Variants in EFHC2 observed in about 807,000 individuals in gnomAD.
The protein encoded by EFHC2 is EF-hand domain-containing family member C2.
EFHC2 carries 18 observed loss-of-function variants against 52.7 expected under a neutral mutation model. The ratio of observed to expected loss-of-function variants is 0.34; its 90% CI spans 0.24 to 0.51. The LOEUF (loss-of-function observed/expected upper bound fraction) is 0.51. Ranked by LOEUF, EFHC2 falls within the 20% of genes least tolerant of loss-of-function variation. EFHC2 has a pLI of 0.97. For synonymous variants in EFHC2, 203 were observed against 204.1 expected (o/e 0.99, Z 0.04); for missense variants, 513 against 562.5 (o/e 0.91, Z 0.89).
chrX:44,278,252 GT>G (rs2037675665), intron 2 of EFHC2, among the ~76,000 whole-genome samples: 1 of 111,823 alleles, frequency 8.9e-6, no homozygotes. Flanking sequence ...GTGGACACCT[GT>G]AATCCCAGCT....
intron 1 of EFHC2, 135 bp from the exon 2 acceptor site, chrX:44,312,891 A>T (rs2037957413): frequency 1.8e-6 from 1 of 547,811 alleles, no homozygotes; most frequent in Admixed American, 4.7e-5. Context: ...GCAAATAATT[A>T]TGATCAATCT....
chrX:44,258,519 T>C (rs1000544762), intron 4 of EFHC2, among the ~76,000 whole-genome samples: 13 of 109,170 alleles, frequency 1.2e-4, no homozygotes, highest in African/African-American at 4.3e-4. Context: ...AAGAAACATA[T>C]GAAAAAAAGT....
chrX:44,331,174 C>T (rs1237540611), intron 1 of EFHC2, among the ~76,000 whole-genome samples: 2 of 112,045 alleles, frequency 1.8e-5, no homozygotes, highest in African/African-American at 3.2e-5. Flanking sequence ...GTGATACATA[C>T]ATGAACTACT....
intron 14 of EFHC2, among the ~76,000 whole-genome samples, chrX:44,151,982 T>C (rs2036573876): frequency 9.0e-6 from 1 of 111,686 alleles, no homozygotes; most frequent in Non-Finnish European, 1.9e-5. Flanking sequence ...ATATATGAAA[T>C]ATAACATTGT....
At chrX:44,248,567 T>C (rs2037417947) in intron 6 of EFHC2, among the ~76,000 whole-genome samples, 157 bp from the exon 7 acceptor site, 1 of 112,631 alleles carries the variant, frequency 8.9e-6, no homozygotes, top group Non-Finnish European at 1.9e-5. Flanking sequence ...GATGTTAATA[T>C]TCTAAAGTAT....
intron 8 of EFHC2, among the ~76,000 whole-genome samples, chrX:44,240,799 G>A (rs1226412700): frequency 9.0e-6 from 1 of 110,845 alleles, no homozygotes; most frequent in Non-Finnish European, 1.9e-5. Flanking sequence ...GGGGGTGGGG[G>A]AGACACAATA....
intron 4 of EFHC2, among the ~76,000 whole-genome samples, chrX:44,256,919 A>C (rs1459397806): frequency 9.0e-6 from 1 of 111,561 alleles, no homozygotes; most frequent in Admixed American, 9.5e-5. Flanking sequence ...GGCAAACCAA[A>C]TCCAGCAGCA....
chrX:44,261,421 A>C, intron 3 of EFHC2, 123 bp from the exon 4 acceptor site: 1 of 570,212 alleles, frequency 1.8e-6, no homozygotes, highest in Non-Finnish European at 2.7e-6. Context: ...GACTCGTTCT[A>C]GGAAGCAGCA....
chrX:44,318,405 G>A (rs763138944), intron 1 of EFHC2, among the ~76,000 whole-genome samples: 3 of 112,140 alleles, frequency 2.7e-5, no homozygotes, highest in African/African-American at 9.7e-5. Flanking sequence ...ACTGCTTACC[G>A]GGTACAGGTT....
intron 1 of EFHC2, among the ~76,000 whole-genome samples, chrX:44,330,929 G>T (rs1159416321): frequency 8.9e-6 from 1 of 111,937 alleles, no homozygotes; most frequent in East Asian, 2.8e-4. Context: ...CTCATATATT[G>T]TTGGGAATCT....
chrX:44,190,663 T>A (rs1360990210), intron 11 of EFHC2, among the ~76,000 whole-genome samples: 1 of 104,489 alleles, frequency 9.6e-6, no homozygotes, highest in African/African-American at 3.5e-5. Flanking sequence ...TTGAATAACA[T>A]CACCTCGTTC....
chrX:44,168,254 C>T (rs1190677086), intron 13 of EFHC2, among the ~76,000 whole-genome samples: 1 of 111,891 alleles, frequency 8.9e-6, no homozygotes. Context: ...AAGCGGTGTC[C>T]GGGCGTGGTG....
intron 11 of EFHC2, among the ~76,000 whole-genome samples, chrX:44,224,866 CAGAG>C (rs1203654890): frequency 1.8e-5 from 2 of 111,203 alleles, no homozygotes; most frequent in African/African-American, 6.6e-5. Flanking sequence ...GGGAGGTGGC[CAGAG>C]AGATGGACTG....
chrX:44,171,842 A>C (rs1458543313), intron 13 of EFHC2, among the ~76,000 whole-genome samples: 2 of 111,600 alleles, frequency 1.8e-5, no homozygotes, highest in African/African-American at 6.5e-5. Flanking sequence ...AGAGAGAGTG[A>C]GAGGAGAGAG....
intron 11 of EFHC2, among the ~76,000 whole-genome samples, chrX:44,179,120 C>G (rs2036814143): frequency 9.1e-6 from 1 of 109,431 alleles, no homozygotes. Flanking sequence ...TGTAAGCGTA[C>G]AGCTGTCTGC....
At chrX:44,163,053 T>C (rs1047279638) in intron 14 of EFHC2, among the ~76,000 whole-genome samples, 3 of 111,996 alleles carry the variant, frequency 2.7e-5, no homozygotes, top group Non-Finnish European at 5.6e-5. Flanking sequence ...GGGCCAAAAT[T>C]CAAACCCAGC....
Position 44,276,319 on chromosome X carries a change from C to T in EFHC2, c.232-3483G>A, listed in dbSNP as rs932316413. ...GGTGCGTGCCTCATAGTCCAAGCTG[C>T]TCAGGAAGCTGAGGCAGGAGGATTG... On this transcript the variant is annotated intron_variant, in intron 2 of 14. Coordinates refer to ENST00000420999, the MANE Select transcript of EFHC2 (RefSeq NM_025184.4). Among the ~76,000 whole-genome samples the T allele has an allele frequency of 2.7e-5, 3 of 111,617 alleles. No individual in the cohort carries two copies. The Admixed American group carries it at 2.9e-4, about 11-fold the overall frequency.
At chrX:44,281,209 C>T (rs939463001) in intron 2 of EFHC2, among the ~76,000 whole-genome samples, 4 of 112,437 alleles carry the variant, frequency 3.6e-5, no homozygotes, top group African/African-American at 6.5e-5. Flanking sequence ...CGTGAGCCAC[C>T]GGGCCTGGCC....
intron 5 of EFHC2, 33 bp from the exon 6 acceptor site, chrX:44,248,949 G>C: frequency 9.6e-7 from 1 of 1,045,368 alleles, no homozygotes; most frequent in East Asian, 3.1e-5. Context: ...GATGTGGTAG[G>C]ATTTAATCCA....
Sources: gnomAD v4.1 joint callset for allele counts (sites outside exome capture counted in the v4.1 genomes callset) on GRCh38, gnomAD v4.1.1 for gene constraint, MANE v1.5 for transcripts, NCBI Gene and HGNC (gene_info 2026-07-23, HGNC 2026-07-21) for gene names.